Variants in CKAP5 observed in about 807,000 individuals in gnomAD.
CKAP5 encodes cytoskeleton-associated protein 5.
Under a neutral mutation model 232.8 loss-of-function variants are expected in CKAP5, and 27 were observed. The observed-to-expected ratio is 0.12, with a 90% CI of 0.09 to 0.16. The LOEUF (loss-of-function observed/expected upper bound fraction) is 0.16. Ranked by LOEUF, CKAP5 falls within the 10% of genes least tolerant of loss-of-function variation. The pLI is 1.00. For synonymous variants in CKAP5, 785 were observed against 841.1 expected (o/e 0.93, Z 1.16); for missense variants, 1,838 against 2,424.7 (o/e 0.76, Z 5.08).
Position 46,743,830 on chromosome 11 carries a change from G to A in CKAP5, c.*193C>T. 1 of 664,910 alleles carries A rather than the reference G, an allele frequency of 1.5e-6. No individual in the cohort carries two copies. Among genetic ancestry groups the A allele is most frequent in the Non-Finnish European group, 2.5e-6 (1 of 397,074 alleles). The allele number at this position is 664,910 out of a possible 1,614,324, so 41.2% of individuals were successfully genotyped here. A position where few individuals can be genotyped will look rare whatever the true frequency, so the allele number is the denominator to read the frequency against. The stretch of plus-strand genomic sequence containing the variant: ...AAACTCATCCACGGACAGTCTTCTA[G>A]AGCAGCAGGACGCTGACAGAGAGAA... On this transcript the variant is annotated 3_prime_UTR_variant, in exon 44 of 44. Coordinates refer to ENST00000529230, the MANE Select transcript of CKAP5 (RefSeq NM_001008938.4).
At chr11:46,773,312 C>T (rs1201838930) in intron 24 of CKAP5, among the ~76,000 whole-genome samples, 1 of 151,190 alleles carries the variant, frequency 6.6e-6, no homozygotes, top group Admixed American at 6.6e-5. Context: ...TGCAATGACG[C>T]GATCTTGGCT....
At chr11:46,816,826 G>C (rs1350090696) in intron 3 of CKAP5, among the ~76,000 whole-genome samples, 1 of 145,318 alleles carries the variant, frequency 6.9e-6, no homozygotes, top group Non-Finnish European at 1.5e-5. Flanking sequence ...GACAGGGTTG[G>C]TCGGGTATGG....
chr11:46,744,502 C>T lies in CKAP5; in HGVS notation c.5780G>A (p.Gly1927Glu). 2 of 1,614,154 alleles carry T rather than the reference C, an allele frequency of 1.2e-6. No individual in the cohort carries two copies. The highest frequency in any genetic ancestry group is 2.2e-5 in the East Asian group (1 of 44,874). ...GTAGACAGATGGCCCCACTTCTTCC[C>T]CATTTGTGTTACCTATGGAGGACAC... ...STVSSIGNTN[G>E]EEVGPSVYLE... The change falls in exon 43 of 44, where the codon GGG (glycine) becomes GAG (glutamate). Residue 1927 changes from glycine (G) to glutamate (E), a missense_variant. Gly to Glu is a moderately conservative substitution (Grantham distance 98). This residue lies in a region of CKAP5 where 579 missense variants were observed against 843.2 expected (regional missense o/e 0.69). Transcript: ENST00000529230.
At chr11:46,827,457 C>T (rs750279560) in intron 1 of CKAP5, among the ~76,000 whole-genome samples, 2 of 151,998 alleles carry the variant, frequency 1.3e-5, no homozygotes, top group Non-Finnish European at 2.9e-5. Context: ...AAGTGAGACC[C>T]CATCTCTACA....
rs1940191018 is a variant in CKAP5, at chr11:46,846,242, G to GAA, written c.-61_-60insTT. The GAA allele has an allele frequency of 6.6e-6, 1 of 152,166 alleles. No homozygotes were observed. The highest frequency in any genetic ancestry group is 6.5e-5 in the Admixed American group (1 of 15,268). The allele number at this position is 152,166 out of a possible 1,614,324, so 9.4% of individuals were successfully genotyped here. ...CACCTCAGCTGGGTCAGAACCAAGC[G>GAA]GCCTGCTCTAAGCCGTTTGAAACCG... On this transcript the variant is annotated 5_prime_UTR_variant, in exon 1 of 44. Transcript: ENST00000529230.
At chr11:46,769,476 G>A (rs1194102455) in intron 26 of CKAP5, among the ~76,000 whole-genome samples, 2 of 152,012 alleles carry the variant, frequency 1.3e-5, no homozygotes, top group Non-Finnish European at 2.9e-5. Flanking sequence ...TGGGAGGATC[G>A]CCTGAGGCCA....
intron 35 of CKAP5, chr11:46,758,656 T>G (rs1404636880): frequency 3.4e-6 from 1 of 295,926 alleles, no homozygotes; most frequent in African/African-American, 2.2e-5. Flanking sequence ...TGATAGTGCC[T>G]GTGAATAGCC....
intron 1 of CKAP5, 62 bp from the exon 2 acceptor site, chr11:46,821,330 T>A: frequency 1.4e-6 from 1 of 720,474 alleles, no homozygotes. Flanking sequence ...CAAAAATAAC[T>A]TTTCTGAGAT....
chr11:46,814,784 T>C (rs1346095782), intron 4 of CKAP5, among the ~76,000 whole-genome samples: 1 of 152,352 alleles, frequency 6.6e-6, no homozygotes, highest in Admixed American at 6.5e-5. Flanking sequence ...GAGCAAAAGT[T>C]ACTTTTCTAT....
intron 1 of CKAP5, among the ~76,000 whole-genome samples, chr11:46,843,133 G>A (rs999558409): frequency 4.6e-5 from 7 of 151,638 alleles, no homozygotes; most frequent in Non-Finnish European, 2.9e-5. Context: ...CACCATTAAG[G>A]GGTTCCAAAC....
At chr11:46,817,127 A>C (rs1191364995) in intron 3 of CKAP5, among the ~76,000 whole-genome samples, 1 of 150,300 alleles carries the variant, frequency 6.7e-6, no homozygotes, top group Non-Finnish European at 1.5e-5. Flanking sequence ...AAAAAAAAAA[A>C]GAGAGAGAGA....
chr11:46,768,959 C>T (rs1350974639), intron 26 of CKAP5, among the ~76,000 whole-genome samples: 1 of 149,252 alleles, frequency 6.7e-6, no homozygotes, highest in Non-Finnish European at 1.5e-5. Context: ...TTGCTCTGTC[C>T]CCCAGGCTGG....
intron 11 of CKAP5, among the ~76,000 whole-genome samples, chr11:46,797,586 T>C (rs1451632691): frequency 6.6e-6 from 1 of 152,106 alleles, no homozygotes; most frequent in African/African-American, 2.4e-5. Context: ...AGAAACAACA[T>C]GTTTAACAGT....
chr11:46,838,272 A>G (rs763631533), intron 1 of CKAP5, among the ~76,000 whole-genome samples: 1 of 151,326 alleles, frequency 6.6e-6, no homozygotes, highest in Non-Finnish European at 1.5e-5. Context: ...TAGCTTTCTT[A>G]AAGACTTTCT....
chr11:46,832,589 C>T (rs756457210), intron 1 of CKAP5, among the ~76,000 whole-genome samples: 3 of 152,196 alleles, frequency 2.0e-5, no homozygotes, highest in Non-Finnish European at 4.4e-5. Flanking sequence ...CCCTATTTAA[C>T]ACACACTTCT....
At chr11:46,834,575 C>T (rs1397241659) in intron 1 of CKAP5, among the ~76,000 whole-genome samples, 4 of 149,880 alleles carry the variant, frequency 2.7e-5, no homozygotes, top group Non-Finnish European at 5.9e-5. Flanking sequence ...GCCCTTAGGA[C>T]CAAGTAAGGC....
chr11:46,834,223 G>C (rs1054398271), intron 1 of CKAP5, among the ~76,000 whole-genome samples: 13 of 152,004 alleles, frequency 8.6e-5, no homozygotes, highest in Admixed American at 3.3e-4. Context: ...TTTGATATAA[G>C]AGTGGGCTAA....
At chr11:46,809,034 CA>C (rs1939216486) in intron 7 of CKAP5, among the ~76,000 whole-genome samples, 1 of 152,100 alleles carries the variant, frequency 6.6e-6, no homozygotes, top group South Asian at 2.1e-4. Flanking sequence ...ATACAATGCA[CA>C]GGACAGCTGA....
At position 46,770,805 on chromosome 11, in the gene CKAP5, C is replaced by A. The variant is rs758748236; in HGVS notation, c.3169G>T (p.Ala1057Ser). Residue 1057 changes from alanine (A) to serine (S), a missense_variant, in exon 25 of 44, where the codon GCT becomes TCT. By Grantham distance (99) the Ala-to-Ser change is moderately conservative (BLOSUM62 1). Around this residue, in one of 6 missense-constraint regions of CKAP5, gnomAD observed 767 missense variants for 954.6 expected, o/e 0.80. Coordinates refer to ENST00000529230, the MANE Select transcript of CKAP5 (RefSeq NM_001008938.4). ...AGTAGTACCTTTAGTTTCCCAGTAGCCTTGGCCATTTTTTCATATCCTAAA... is the reference window on the plus strand; with the variant it reads ...AGTAGTACCTTTAGTTTCCCAGTAGACTTGGCCATTTTTTCATATCCTAAA... ...MHLGYEKMAK[A>S]TGKLKPTSKD... is the part of the protein sequence containing the mutation. The A allele has an allele frequency of 6.2e-7, 1 of 1,613,864 alleles. No homozygotes were observed. The highest frequency in any genetic ancestry group is 1.7e-5 in the Admixed American group (1 of 60,010).
Sources: allele counts gnomAD v4.1 joint callset (sites outside exome capture counted in the v4.1 genomes callset), GRCh38; gene constraint gnomAD v4.1.1; regional missense constraint gnomAD v4.1.1; transcripts MANE v1.5; gene names NCBI Gene and HGNC (gene_info 2026-07-23, HGNC 2026-07-21).